Variants in PIP5K1B observed in about 807,000 individuals in gnomAD.
The protein encoded by PIP5K1B is phosphatidylinositol-4-phosphate 5-kinase type 1 beta, also known as phosphatidylinositol 4-phosphate 5-kinase type-1 beta.
Under a neutral mutation model 67.0 loss-of-function variants are expected in PIP5K1B, and 42 were observed. That is an observed-to-expected ratio of 0.63 (90% CI 0.49 to 0.81). PIP5K1B has a LOEUF of 0.81. Among genes scored for constraint, PIP5K1B ranks in the 30% least tolerant of loss-of-function variants. The pLI is 0.00. For synonymous variants in PIP5K1B, 214 were observed against 231.4 expected (o/e 0.92, Z 0.68); for missense variants, 459 against 646.3 (o/e 0.71, Z 3.14).
intron 15 of PIP5K1B, among the ~76,000 whole-genome samples, chr9:69,002,507 G>A (rs1212100099): frequency 6.6e-6 from 1 of 151,930 alleles, no homozygotes. Flanking sequence ...TGCTACTACT[G>A]GAATCCAATA....
At chr9:68,855,183 C>T (rs917065668) in intron 4 of PIP5K1B, among the ~76,000 whole-genome samples, 3 of 152,160 alleles carry the variant, frequency 2.0e-5, no homozygotes, top group African/African-American at 2.4e-5. Flanking sequence ...CCCCTTTCTT[C>T]AAACTCTCTT....
intron 4 of PIP5K1B, among the ~76,000 whole-genome samples, chr9:68,852,907 G>C (rs1032501267): frequency 8.4e-6 from 1 of 118,470 alleles, no homozygotes; most frequent in African/African-American, 2.9e-5. Flanking sequence ...TTGAATTTTA[G>C]GGGTGTGTTT....
chr9:68,786,628 GT>G (rs146915349), intron 2 of PIP5K1B, among the ~76,000 whole-genome samples: 6 of 148,662 alleles, frequency 4.0e-5, no homozygotes, highest in Non-Finnish European at 6.0e-5. Flanking sequence ...ATACCAGGAA[GT>G]TTTTTTTTTA....
At chr9:68,985,223 T>A (rs1219650785) in intron 14 of PIP5K1B, among the ~76,000 whole-genome samples, 1 of 152,126 alleles carries the variant, frequency 6.6e-6, no homozygotes, top group Admixed American at 6.5e-5. Context: ...TTTCCTCAAT[T>A]TGGCAATAAT....
intron 1 of PIP5K1B, among the ~76,000 whole-genome samples, chr9:68,706,721 T>A (rs1827142314): frequency 6.6e-6 from 1 of 152,144 alleles, no homozygotes; most frequent in South Asian, 2.1e-4. Context: ...GAATGATCCT[T>A]AAGGGACCGG....
chr9:68,913,880 A>G lies in PIP5K1B; in HGVS notation c.772-3668A>G, dbSNP rs928274449. Among the ~76,000 whole-genome samples the G allele has an allele frequency of 1.3e-5, 2 of 152,092 alleles. 1 individual carries two copies. The highest frequency in any genetic ancestry group is 4.1e-4 in the South Asian group (2 of 4,828). On this transcript the variant is annotated intron_variant, in intron 8 of 15. Coordinates refer to ENST00000265382, the MANE Select transcript of PIP5K1B (RefSeq NM_003558.4). ...CTTGGAATTTATTCTTTAAAAAAAAAAATCGGACCCCTTACAGGATCAGGA... is the reference window on the plus strand; with the variant it reads ...CTTGGAATTTATTCTTTAAAAAAAAGAATCGGACCCCTTACAGGATCAGGA...
At chr9:68,788,595 A>G (rs891838609) in intron 2 of PIP5K1B, 1 of 244,788 alleles carries the variant, frequency 4.1e-6, no homozygotes, top group Non-Finnish European at 7.9e-6. Flanking sequence ...GTGAAGACCC[A>G]TGGTCTTCCT....
At chr9:68,895,266 A>C (rs971831215) in intron 8 of PIP5K1B, among the ~76,000 whole-genome samples, 1 of 35,512 alleles carries the variant, frequency 2.8e-5, no homozygotes, top group Non-Finnish European at 6.0e-5. Flanking sequence ...GCAATGCTTT[A>C]AAAAAAAAAA....
rs143350156 is a variant in PIP5K1B at position 68,822,335 on chromosome 9, A to T, written c.1-280A>T. 2.2e-3 allele frequency: 555 copies of T among 249,398 alleles called. 1 individual carries two copies. The highest frequency in any genetic ancestry group is 0.011 in the African/African-American group (499 of 44,370). The allele number at this position is 249,398 out of a possible 1,614,324, so 15.4% of individuals were successfully genotyped here. ...GAGTGAAACCCCATCTCTAAAAAAA[A>T]AAAGCTTTGTAGAAAGAAACTTATA... is the stretch of plus-strand genomic sequence containing the variant. On this transcript the variant is annotated intron_variant, in intron 3 of 15. Transcript: ENST00000265382.
chr9:68,724,005 C>A (rs1485198715), intron 1 of PIP5K1B, among the ~76,000 whole-genome samples: 12 of 151,712 alleles, frequency 7.9e-5, no homozygotes, highest in Non-Finnish European at 1.0e-4. Context: ...TAGTTTTAGG[C>A]CTTACATTTA....
rs373720811 is a variant in PIP5K1B at position 68,919,469 on chromosome 9, C to T, written c.984-10C>T. 80 of 1,420,826 alleles carry T rather than the reference C, an allele frequency of 5.6e-5. No homozygotes were observed. The highest frequency in any genetic ancestry group is 6.3e-5 in the Non-Finnish European group (64 of 1,023,922). The allele number at this position is 1,420,826 out of a possible 1,614,324, so 88.0% of individuals were successfully genotyped here. ...GTAATCAAATATTTTCTCTTTTGCT[C>T]CATCAACAGAATGGGAGGCATTCCA... On this transcript the variant is annotated splice_polypyrimidine_tract_variant and intron_variant, in intron 9 of 15. Transcript: ENST00000265382.
At chr9:68,853,752 G>A (rs973409959) in intron 4 of PIP5K1B, among the ~76,000 whole-genome samples, 6 of 152,178 alleles carry the variant, frequency 3.9e-5, no homozygotes, top group African/African-American at 1.4e-4. Flanking sequence ...CTACCAGGCA[G>A]AGGAATGCAA....
chr9:68,842,491 C>G (rs1821967219), intron 4 of PIP5K1B, among the ~76,000 whole-genome samples: 1 of 152,212 alleles, frequency 6.6e-6, no homozygotes. Context: ...CAATATGAGA[C>G]ACTCCATTGA....
intron 2 of PIP5K1B, chr9:68,781,253 G>T: frequency 1.8e-6 from 1 of 562,980 alleles, no homozygotes; most frequent in South Asian, 2.3e-5. Flanking sequence ...CAATAAGTGT[G>T]TTGAAGCATA....
intron 14 of PIP5K1B, among the ~76,000 whole-genome samples, chr9:68,958,431 CA>C (rs1337519223): frequency 6.6e-6 from 1 of 152,084 alleles, no homozygotes; most frequent in Admixed American, 6.5e-5. Flanking sequence ...TACCACCCAC[CA>C]GATCATTTAC....
chr9:68,728,814 G>A (rs936697312), intron 1 of PIP5K1B: 4 of 152,146 alleles, frequency 2.6e-5, no homozygotes, highest in African/African-American at 9.7e-5. Flanking sequence ...GATATCCAAC[G>A]AGAACCTCCT....
At chr9:68,999,921 T>TG (rs1447201488) in intron 15 of PIP5K1B, among the ~76,000 whole-genome samples, 1 of 152,220 alleles carries the variant, frequency 6.6e-6, no homozygotes, top group Non-Finnish European at 1.5e-5. Flanking sequence ...ATGTACTTGA[T>TG]TGTAGCCTTT....
intron 9 of PIP5K1B, among the ~76,000 whole-genome samples, chr9:68,918,095 AT>A (rs551054460): frequency 0.016 from 2,316 of 143,120 alleles, 59 homozygotes; most frequent in African/African-American, 0.051. Context: ...TTATTTATTT[AT>A]TTTTTTTTTT....
At chr9:69,005,770 A>C (rs1452075390) in intron 15 of PIP5K1B, among the ~76,000 whole-genome samples, 3 of 139,142 alleles carry the variant, frequency 2.2e-5, no homozygotes, top group Non-Finnish European at 4.7e-5. Context: ...AGTCCTCTCT[A>C]CTGTGCCTTC....
Sources: allele counts gnomAD v4.1 joint callset (sites outside exome capture counted in the v4.1 genomes callset), GRCh38; gene constraint gnomAD v4.1.1; transcripts MANE v1.5; gene names NCBI Gene and HGNC (gene_info 2026-07-23, HGNC 2026-07-21).